RPS6KA6: variants seen among roughly 807,000 people sequenced by gnomAD.
The protein encoded by RPS6KA6 is ribosomal protein S6 kinase A6.
In RPS6KA6, 27 loss-of-function variants were observed where a neutral mutation model predicts 65.4. The observed-to-expected ratio is 0.41, with a 90% CI of 0.30 to 0.57. The LOEUF is 0.57. Among genes scored for constraint, RPS6KA6 ranks in the 20% least tolerant of loss-of-function variants. The probability of loss-of-function intolerance (pLI) is 0.24; values close to 1 mark genes in which losing one functional copy is unlikely to be tolerated. For synonymous variants in RPS6KA6, 190 were observed against 184.2 expected (o/e 1.03, Z -0.26); for missense variants, 486 against 555.6 (o/e 0.87, Z 1.26).
At chrX:84,111,164 A>T (rs1422266045) in intron 12 of RPS6KA6, among the ~76,000 whole-genome samples, 2 of 64,774 alleles carry the variant, frequency 3.1e-5, no homozygotes, top group Non-Finnish European at 4.3e-5. Flanking sequence ...AATAATTTTT[A>T]AAAAATGAAC....
At chrX:84,125,171 A>C (rs1569397750) in intron 8 of RPS6KA6, among the ~76,000 whole-genome samples, 1 of 112,055 alleles carries the variant, frequency 8.9e-6, no homozygotes, top group Non-Finnish European at 1.9e-5. Flanking sequence ...TTCAATCTGA[A>C]AGAAAAGTAT....
intron 6 of RPS6KA6, among the ~76,000 whole-genome samples, chrX:84,143,527 G>C (rs1476181341): frequency 9.0e-6 from 1 of 111,064 alleles, no homozygotes; most frequent in Non-Finnish European, 1.9e-5. Flanking sequence ...AATACTGCGA[G>C]AAATTAAAGA....
chrX:84,094,640 G>A (rs959760428), intron 20 of RPS6KA6, among the ~76,000 whole-genome samples: 3 of 108,917 alleles, frequency 2.8e-5, no homozygotes. Context: ...GCAAGACTCC[G>A]TCTCAAAAAA....
chrX:84,179,980 T>C (rs1475276859), intron 1 of RPS6KA6, among the ~76,000 whole-genome samples: 1 of 111,927 alleles, frequency 8.9e-6, no homozygotes, highest in Non-Finnish European at 1.9e-5. Flanking sequence ...ATTTTGAATT[T>C]TGACTATTCT....
intron 12 of RPS6KA6, among the ~76,000 whole-genome samples, chrX:84,115,382 T>C (rs1485477659): frequency 1.8e-5 from 2 of 111,409 alleles, no homozygotes; most frequent in African/African-American, 6.5e-5. Flanking sequence ...ATCAGAAAAA[T>C]GCAAATTAAA....
intron 8 of RPS6KA6, among the ~76,000 whole-genome samples, chrX:84,124,891 A>C (rs955033514): frequency 2.8e-4 from 32 of 112,329 alleles, no homozygotes; most frequent in African/African-American, 9.7e-4. Context: ...TCATTGATAA[A>C]GTATCCTAAA....
chrX:84,105,821 T>C lies in RPS6KA6; in HGVS notation c.1421A>G (p.Tyr474Cys), dbSNP rs759741199. 6 of 1,178,686 alleles carry C rather than the reference T, an allele frequency of 5.1e-6. No individual in the cohort carries two copies. In the Admixed American group the frequency reaches 6.7e-5, roughly 13 times the overall value. The change falls in exon 16 of 22, where the codon TAT (tyrosine) becomes TGT (cysteine). Residue 474 changes from tyrosine (Y) to cysteine (C), a missense_variant. Tyr to Cys is a radical substitution (Grantham distance 194). Coordinates refer to ENST00000262752, the MANE Select transcript of RPS6KA6 (RefSeq NM_014496.5). ...PSEEIEILMR[Y>C]GQHPNIITLK... ...AGTAATAATGTTGGGATGTTGTCCA[T>C]AGCGCATCAATATTTCAATCTCTTC...
chrX:84,116,746 TGG>T (rs68120104), intron 11 of RPS6KA6, among the ~76,000 whole-genome samples: 1,184 of 104,873 alleles, frequency 0.011, 19 homozygotes, highest in African/African-American at 0.036. Flanking sequence ...TGAAGAATAT[TGG>T]GGGGGGGCAA....
intron 8 of RPS6KA6, among the ~76,000 whole-genome samples, chrX:84,122,341 G>A (rs1364764169): frequency 2.0e-5 from 2 of 99,712 alleles, no homozygotes; most frequent in Non-Finnish European, 4.0e-5. Flanking sequence ...TATGGAGGAA[G>A]CTTTTGTTAT....
intron 20 of RPS6KA6, among the ~76,000 whole-genome samples, chrX:84,069,265 C>G (rs1365292237): frequency 9.0e-6 from 1 of 111,603 alleles, no homozygotes; most frequent in Non-Finnish European, 1.9e-5. Flanking sequence ...CACCAAACAT[C>G]TACAACCATT....
At chrX:84,075,097 G>T (rs1238848177) in intron 20 of RPS6KA6, among the ~76,000 whole-genome samples, 1 of 110,942 alleles carries the variant, frequency 9.0e-6, no homozygotes, top group East Asian at 2.8e-4. Flanking sequence ...GCTGGGCGTG[G>T]TGGTGCACCC....
At chrX:84,129,349 T>A (rs1387437517) in intron 8 of RPS6KA6, among the ~76,000 whole-genome samples, 3 of 110,935 alleles carry the variant, frequency 2.7e-5, no homozygotes, top group Non-Finnish European at 5.7e-5. Flanking sequence ...AATAAAAAAA[T>A]GCTGCCAAGG....
At chrX:84,130,589 A>G (rs959267695) in intron 8 of RPS6KA6, among the ~76,000 whole-genome samples, 31 of 112,059 alleles carry the variant, frequency 2.8e-4, no homozygotes, top group Non-Finnish European at 5.1e-4. Flanking sequence ...TGCCCAAAGC[A>G]GGAAATAACT....
intron 20 of RPS6KA6, among the ~76,000 whole-genome samples, chrX:84,093,060 T>C (rs1050978135): frequency 2.7e-5 from 3 of 112,288 alleles, no homozygotes; most frequent in Non-Finnish European, 5.6e-5. Context: ...GAGGACATTG[T>C]GTTAAGTGAA....
chrX:84,153,417 C>A (rs1334704556), intron 3 of RPS6KA6, among the ~76,000 whole-genome samples: 1 of 111,000 alleles, frequency 9.0e-6, no homozygotes, highest in Non-Finnish European at 1.9e-5. Flanking sequence ...CCTTTCAACC[C>A]ATACATTAAT....
intron 6 of RPS6KA6, among the ~76,000 whole-genome samples, chrX:84,143,221 A>T (rs1488342329): frequency 1.8e-5 from 2 of 111,382 alleles, no homozygotes; most frequent in Admixed American, 1.9e-4. Flanking sequence ...TTATAATCTC[A>T]ATAAATGAAG....
At chrX:84,155,438 G>A (rs753303438) in intron 3 of RPS6KA6, among the ~76,000 whole-genome samples, 19 of 111,298 alleles carry the variant, frequency 1.7e-4, no homozygotes, top group Non-Finnish European at 3.4e-4. Flanking sequence ...GTATATAAAG[G>A]TCAGGAACCA....
intron 6 of RPS6KA6, 42 bp downstream of exon 6, chrX:84,145,436 T>C: frequency 1.1e-6 from 1 of 870,209 alleles, no homozygotes; most frequent in Admixed American, 3.3e-5. Flanking sequence ...TTTTTCTTAG[T>C]TTTGTTTTAA....
At chrX:84,148,997 C>A (rs1443415868) in intron 3 of RPS6KA6, among the ~76,000 whole-genome samples, 1 of 111,971 alleles carries the variant, frequency 8.9e-6, no homozygotes, top group African/African-American at 3.2e-5. Flanking sequence ...TCAGTCCTCT[C>A]AAATCCTACC....
Sources: gnomAD v4.1 joint callset for allele counts (sites outside exome capture counted in the v4.1 genomes callset) on GRCh38, gnomAD v4.1.1 for gene constraint, MANE v1.5 for transcripts, NCBI Gene and HGNC (gene_info 2026-07-23, HGNC 2026-07-21) for gene names.